CUTC: variants seen among roughly 807,000 people sequenced by gnomAD.
The protein encoded by CUTC is copper homeostasis protein cutC homolog.
Under a neutral mutation model 36.2 loss-of-function variants are expected in CUTC, and 27 were observed. The ratio of observed to expected loss-of-function variants is 0.75; its 90% CI spans 0.55 to 1.03. CUTC has a LOEUF of 1.03. CUTC is among the 50% of genes least tolerant of loss of function. The pLI is 0.00. For synonymous variants in CUTC, 114 were observed against 118.3 expected (o/e 0.96, Z 0.24); for missense variants, 315 against 343.5 (o/e 0.92, Z 0.66).
chr10:99,732,239 G>A lies in CUTC; in HGVS notation c.-110G>A. ...GGGGCTGCTGGGGCGTAGGTGTCGG[G>A]GACGCGCGCACGGGCGCGCGCAGCT... On this transcript the variant is annotated 5_prime_UTR_variant, in exon 1 of 9. Coordinates refer to ENST00000370476, the MANE Select transcript of CUTC (RefSeq NM_015960.3). The A allele has an allele frequency of 2.0e-6, 3 of 1,528,318 alleles. No individual in the cohort carries two copies. 94.7% of individuals were successfully genotyped at this position (1,528,318 alleles called of 1,614,324 possible).
intron 8 of CUTC, 92 bp from the exon 9 acceptor site, chr10:99,755,533 C>G: frequency 1.3e-6 from 1 of 767,196 alleles, no homozygotes; most frequent in Non-Finnish European, 2.2e-6. Context: ...TTGACCTACC[C>G]TTGTATCATG....
rs200698201 is a variant in CUTC, at chr10:99,744,041, T to C, written c.408T>C (p.Ile136=). 21 of 1,612,340 alleles carry C rather than the reference T, an allele frequency of 1.3e-5. No individual in the cohort carries two copies. Among genetic ancestry groups the C allele is most frequent in the Non-Finnish European group, 1.8e-5 (21 of 1,179,172 alleles). ...TATATGACTTTCTTTTTATAGCTAT[T>C]TGCCGCCCTCTGCCAGTCACTTTCC... is the stretch of plus-strand genomic sequence containing the variant. ...DKELCMSLMA[I]CRPLPVTFHR... is the part of the protein sequence containing the mutation. The change falls in exon 5 of 9, where the codon ATT becomes ATC. Residue 136 remains isoleucine (I), a synonymous_variant. Coordinates refer to ENST00000370476, the MANE Select transcript of CUTC (RefSeq NM_015960.3).
chr10:99,732,531 G>T, intron 1 of CUTC, 122 bp downstream of exon 1: 6 of 1,490,524 alleles, frequency 4.0e-6, no homozygotes, highest in Non-Finnish European at 5.3e-6. Context: ...AGCCCCTTGG[G>T]CGGCACCTTC....
At chr10:99,744,377 G>C (rs1228377876) in intron 5 of CUTC, among the ~76,000 whole-genome samples, 1 of 152,196 alleles carries the variant, frequency 6.6e-6, no homozygotes, top group East Asian at 1.9e-4. Context: ...AGAATCCTGA[G>C]ACTCATTTTA....
At chr10:99,746,999 C>T (rs1396005884) in intron 5 of CUTC, among the ~76,000 whole-genome samples, 1 of 152,134 alleles carries the variant, frequency 6.6e-6, no homozygotes, top group African/African-American at 2.4e-5. Flanking sequence ...AACTCCTGCG[C>T]TCAAGTGATC....
chr10:99,736,547 A>AT (rs1184583553), intron 2 of CUTC, among the ~76,000 whole-genome samples: 5 of 152,154 alleles, frequency 3.3e-5, no homozygotes, highest in African/African-American at 9.7e-5. Flanking sequence ...CAATGACTTG[A>AT]TTTTTTATTG....
intron 3 of CUTC, among the ~76,000 whole-genome samples, chr10:99,742,306 G>A (rs1370308840): frequency 6.6e-6 from 1 of 152,008 alleles, no homozygotes; most frequent in Non-Finnish European, 1.5e-5. Flanking sequence ...GGTCTCCTAA[G>A]TTATGCTACT....
In CUTC at chr10:99,754,539, AACAG is replaced by A. The variant is rs1238131748; in HGVS notation, c.618_621del (p.Asp206GlufsTer27). 11 of 1,610,954 alleles carry A rather than the reference AACAG, an allele frequency of 6.8e-6. No individual in the cohort carries two copies. The African/African-American group carries it at 1.1e-4, about 16-fold the overall frequency. On this transcript the variant is annotated frameshift_variant, in exon 8 of 9. Coordinates refer to ENST00000370476, the MANE Select transcript of CUTC (RefSeq NM_015960.3). LOFTEE classifies it high-confidence loss of function. Reference sequence around the variant, plus strand: ...TATTCTTTGCAACAGGAGGTGGTATAACAGACAGAAATCTACAAAGGATCCTTGA... The same window carrying A: ...TATTCTTTGCAACAGGAGGTGGTATAACAGAAATCTACAAAGGATCCTTGA...
chr10:99,753,014 A>G (rs551241356), intron 7 of CUTC, among the ~76,000 whole-genome samples: 58 of 152,346 alleles, frequency 3.8e-4, no homozygotes, highest in Non-Finnish European at 6.9e-4. Flanking sequence ...AGGAACTTTC[A>G]TAATGAAACC....
chr10:99,735,101 C>CAAAAAAAAAAAA (rs56971127), intron 1 of CUTC, among the ~76,000 whole-genome samples: 1 of 68,770 alleles, frequency 1.5e-5, no homozygotes, highest in Non-Finnish European at 2.5e-5. Context: ...GACTCTGTAT[C>CAAAAAAAAAAAA]AAAAAAAAAA....
intron 8 of CUTC, 44 bp from the exon 9 acceptor site, chr10:99,755,581 A>G: frequency 4.5e-6 from 6 of 1,337,414 alleles, no homozygotes; most frequent in Non-Finnish European, 4.3e-6. Context: ...AGGAGGGCCC[A>G]TTTAATAACA....
chr10:99,739,343 G>A (rs1590118245), intron 2 of CUTC, among the ~76,000 whole-genome samples: 1 of 152,214 alleles, frequency 6.6e-6, no homozygotes, highest in East Asian at 1.9e-4. Context: ...GAATAATAAA[G>A]ACCCTTTTGG....
intron 1 of CUTC, 59 bp downstream of exon 1, chr10:99,732,468 G>T (rs1030877504): frequency 1.3e-6 from 2 of 1,547,022 alleles, no homozygotes; most frequent in Admixed American, 3.9e-5. Context: ...GCGGGCCGGC[G>T]GGAGTCGTAG....
At chr10:99,733,095 G>C (rs2037237912) in intron 1 of CUTC, among the ~76,000 whole-genome samples, 1 of 152,134 alleles carries the variant, frequency 6.6e-6, no homozygotes, top group Admixed American at 6.5e-5. Context: ...GATCATCTGA[G>C]CTCAGGAGTT....
intron 6 of CUTC, among the ~76,000 whole-genome samples, chr10:99,749,751 C>G (rs1256314572): frequency 1.3e-5 from 2 of 152,112 alleles, no homozygotes; most frequent in Non-Finnish European, 2.9e-5. Context: ...CTCTTTCACT[C>G]TCTTGTTAAC....
chr10:99,743,443 A>G, intron 4 of CUTC, 81 bp downstream of exon 4: 4 of 1,338,676 alleles, frequency 3.0e-6, no homozygotes, highest in Non-Finnish European at 4.3e-6. Context: ...AACATCACAA[A>G]ACTGACTTTG....
At chr10:99,736,669 A>G (rs2037299245) in intron 2 of CUTC, among the ~76,000 whole-genome samples, 1 of 152,184 alleles carries the variant, frequency 6.6e-6, no homozygotes, top group South Asian at 2.1e-4. Context: ...TTTTTCCCTC[A>G]AAGTTTCTGT....
intron 3 of CUTC, among the ~76,000 whole-genome samples, chr10:99,741,929 G>A (rs960858064): frequency 2.0e-4 from 31 of 152,054 alleles, no homozygotes; most frequent in African/African-American, 5.8e-4. Context: ...TGCTACTCCA[G>A]TGTTATCTTT....
intron 2 of CUTC, among the ~76,000 whole-genome samples, chr10:99,736,635 T>A (rs563915083): frequency 1.5e-3 from 230 of 152,336 alleles, no homozygotes; most frequent in African/African-American, 5.4e-3. Flanking sequence ...GAATTTTATC[T>A]TTTTTACTTT....
Sources: gnomAD v4.1 joint callset for allele counts (sites outside exome capture counted in the v4.1 genomes callset) on GRCh38, gnomAD v4.1.1 for gene constraint, MANE v1.5 for transcripts, NCBI Gene and HGNC (gene_info 2026-07-23, HGNC 2026-07-21) for gene names.